The following CNIH3 variants were observed in gnomAD, a reference collection of about 807,000 sequenced individuals.
CNIH3 encodes cornichon family AMPA receptor auxiliary protein 3, also known as protein cornichon homolog 3.
A neutral mutation model predicts 24.1 loss-of-function variants in CNIH3; 14 were observed. The ratio of observed to expected loss-of-function variants is 0.58; its 90% confidence interval spans 0.38 to 0.91. The LOEUF (loss-of-function observed/expected upper bound fraction) is 0.91. CNIH3 is among the 40% of genes least tolerant of loss of function. The probability of loss-of-function intolerance (pLI) is 0.00; values close to 1 mark genes in which losing one functional copy is unlikely to be tolerated. For missense variants in CNIH3, 178 were observed against 196.8 expected, an observed-to-expected ratio of 0.90 and a Z score of 0.57; for synonymous variants, 68 against 73.8, an observed-to-expected ratio of 0.92 and a Z score of 0.40.
chr1:224,435,299 A>G (rs989823671), intron 1 of CNIH3: 1 of 830,502 alleles, frequency 1.2e-6, no homozygotes. Context: ...TTCACAACCT[A>G]CTTGTTTTAG....
intron 2 of CNIH3, chr1:224,529,082 C>G (rs1333778749): frequency 6.6e-6 from 1 of 152,154 alleles, no homozygotes; most frequent in Non-Finnish European, 1.5e-5. Flanking sequence ...CTCCCCCAGG[C>G]AGCTCTCCCT....
At chr1:224,560,968 T>C (rs967621268) in intron 3 of CNIH3, among the ~76,000 whole-genome samples, 13 of 152,136 alleles carry the variant, frequency 8.5e-5, no homozygotes, top group African/African-American at 2.9e-4. Context: ...AATTTGCATT[T>C]CCCTCGTGAT....
At chr1:224,685,913 G>A (rs1450729095) in intron 3 of CNIH3, among the ~76,000 whole-genome samples, 1 of 151,950 alleles carries the variant, frequency 6.6e-6, no homozygotes, top group Non-Finnish European at 1.5e-5. Context: ...AAGGAATAAA[G>A]AATGATTAGG....
intron 1 of CNIH3, among the ~76,000 whole-genome samples, chr1:224,677,743 C>T (rs974110853): frequency 1.3e-5 from 2 of 152,190 alleles, no homozygotes; most frequent in East Asian, 1.9e-4. Flanking sequence ...AGACCCACCT[C>T]CCTGCACTCA....
intron 1 of CNIH3, among the ~76,000 whole-genome samples, chr1:224,494,708 T>C (rs1471280001): frequency 2.0e-5 from 3 of 152,132 alleles, no homozygotes; most frequent in African/African-American, 7.2e-5. Context: ...CAAAACTGAA[T>C]TCCAACTTCC....
chr1:224,561,333 A>G (rs1325038079), intron 3 of CNIH3, among the ~76,000 whole-genome samples: 2 of 152,104 alleles, frequency 1.3e-5, no homozygotes, highest in African/African-American at 4.8e-5. Flanking sequence ...ATTTTCTAAA[A>G]GTTTTATCAT....
At chr1:224,586,126 T>C (rs1166871168) in intron 5 of CNIH3, among the ~76,000 whole-genome samples, 2 of 152,216 alleles carry the variant, frequency 1.3e-5, no homozygotes, top group African/African-American at 2.4e-5. Flanking sequence ...GTTCTCCCCA[T>C]GGGATCTGAA....
chr1:224,715,242 T>C (rs1172966498), intron 3 of CNIH3, among the ~76,000 whole-genome samples: 1 of 152,178 alleles, frequency 6.6e-6, no homozygotes, highest in Non-Finnish European at 1.5e-5. Flanking sequence ...CGTTCAGTCC[T>C]CCTGGCTTTC....
At chr1:224,697,191 C>A (rs547650244) in intron 3 of CNIH3, among the ~76,000 whole-genome samples, 1 of 152,326 alleles carries the variant, frequency 6.6e-6, no homozygotes, top group African/African-American at 2.4e-5. Context: ...ATCAGAGCAC[C>A]CTCAGTGCCC....
intron 1 of CNIH3, among the ~76,000 whole-genome samples, chr1:224,640,129 G>A (rs1248349009): frequency 6.6e-6 from 1 of 152,192 alleles, no homozygotes. Flanking sequence ...GTGTGGATGT[G>A]AGGTTTTACT....
chr1:224,678,903 T>A (rs1381102632), intron 1 of CNIH3, among the ~76,000 whole-genome samples: 1 of 152,112 alleles, frequency 6.6e-6, no homozygotes, highest in Non-Finnish European at 1.5e-5. Context: ...GGTCAGCAGA[T>A]TTTTTTCTAT....
At chr1:224,710,684 G>C (rs775743082) in intron 3 of CNIH3, among the ~76,000 whole-genome samples, 2 of 152,126 alleles carry the variant, frequency 1.3e-5, no homozygotes, top group African/African-American at 2.4e-5. Flanking sequence ...CCAAGTGCTG[G>C]GAAGAGAGAT....
chr1:224,695,807 C>T (rs1374207026), intron 3 of CNIH3, among the ~76,000 whole-genome samples: 1 of 152,204 alleles, frequency 6.6e-6, no homozygotes, highest in Non-Finnish European at 1.5e-5. Flanking sequence ...CATTCATCGG[C>T]AGAGGCAGAG....
chr1:224,493,824 G>A (rs143900224), intron 1 of CNIH3, among the ~76,000 whole-genome samples: 146 of 152,156 alleles, frequency 9.6e-4, no homozygotes, highest in African/African-American at 2.9e-3. Context: ...CTCCTCTCAC[G>A]CACCTGGAGG....
intron 1 of CNIH3, among the ~76,000 whole-genome samples, chr1:224,518,075 G>T (rs965422506): frequency 6.6e-6 from 1 of 152,126 alleles, no homozygotes; most frequent in Non-Finnish European, 1.5e-5. Flanking sequence ...CATTTCTAGT[G>T]CTTAGAGGTC....
At chr1:224,554,074 A>G (rs1680037258) in intron 3 of CNIH3, among the ~76,000 whole-genome samples, 1 of 152,184 alleles carries the variant, frequency 6.6e-6, no homozygotes, top group African/African-American at 2.4e-5. Context: ...TTTAGAACCA[A>G]CATGGAGTAA....
At chr1:224,595,816 C>A (rs951468727) in intron 3 of CNIH3, among the ~76,000 whole-genome samples, 1 of 152,196 alleles carries the variant, frequency 6.6e-6, no homozygotes, top group African/African-American at 2.4e-5. Context: ...AAGATCAAAC[C>A]AGCCACCACA....
intron 1 of CNIH3, among the ~76,000 whole-genome samples, chr1:224,450,445 G>A (rs1675348041): frequency 1.3e-5 from 2 of 152,188 alleles, no homozygotes; most frequent in Admixed American, 1.3e-4. Context: ...CCTTGAGGCT[G>A]AGATCTGAAT....
At chr1:224,722,903 T>C (rs1688807353) in intron 3 of CNIH3, among the ~76,000 whole-genome samples, 1 of 152,196 alleles carries the variant, frequency 6.6e-6, no homozygotes, top group South Asian at 2.1e-4. Flanking sequence ...GAAGAAGCCT[T>C]CTTCCTCATG....
Sources: gnomAD v4.1 joint callset for allele counts (sites outside exome capture counted in the v4.1 genomes callset) on GRCh38, gnomAD v4.1.1 for gene constraint, MANE v1.5 for transcripts, NCBI Gene and HGNC (gene_info 2026-07-23, HGNC 2026-07-21) for gene names.